ZFHX3: variants seen among roughly 807,000 people sequenced by gnomAD.
ZFHX3 encodes zinc finger homeobox 3, also known as zinc finger homeobox protein 3.
In ZFHX3, 42 loss-of-function variants were observed where a neutral mutation model predicts 279.1. The ratio of observed to expected loss-of-function variants is 0.15; its 90% CI spans 0.12 to 0.19. The LOEUF (loss-of-function observed/expected upper bound fraction) is 0.19. Ranked by LOEUF, ZFHX3 falls within the 10% of genes least tolerant of loss-of-function variation. ZFHX3 has a pLI of 1.00. For synonymous variants in ZFHX3, 2,293 were observed against 1,957.8 expected (o/e 1.17, Z -4.52); for missense variants, 4,981 against 4,754.0 (o/e 1.05, Z -1.40).
chr16:73,093,439 C>T (rs370685288), exon 8 of ZFHX3: 49 of 487,844 alleles, frequency 1.0e-4, no homozygotes, highest in East Asian at 1.8e-4. Context: ...GGGCCCCTTT[C>T]GCTCAGCTCT....
intron 5 of ZFHX3, among the ~76,000 whole-genome samples, chr16:73,254,796 T>A (rs1279072207): frequency 6.6e-6 from 1 of 152,166 alleles, no homozygotes; most frequent in African/African-American, 2.4e-5. Flanking sequence ...GCTCTATAAC[T>A]GCAAGGTTTG....
chr16:73,753,811 A>G (rs1433906071), intron 1 of ZFHX3, among the ~76,000 whole-genome samples: 2 of 152,224 alleles, frequency 1.3e-5, no homozygotes, highest in Admixed American at 1.3e-4. Flanking sequence ...AAAAACTCAC[A>G]AAACAAGGTT....
intron 3 of ZFHX3, among the ~76,000 whole-genome samples, chr16:73,348,419 C>G (rs1315773960): frequency 6.6e-6 from 1 of 152,198 alleles, no homozygotes; most frequent in African/African-American, 2.4e-5. Context: ...AGCCCCCCAA[C>G]CCCAGCCTCC....
chr16:72,906,137 C>A lies in ZFHX3; in HGVS notation c.3217-16175G>T, dbSNP rs962256400. Among the ~76,000 whole-genome samples, 8 of 152,024 alleles carry A rather than the reference C, an allele frequency of 5.3e-5. No homozygotes were observed. In the East Asian group the frequency reaches 1.4e-3, roughly 26 times the overall value. On this transcript the variant is annotated intron_variant, in intron 3 of 9. Transcript: ENST00000268489. ...TCCCTCCCGGGACATCCAAGCAATT[C>A]GATCCAAAGATGCCGCCTCCTGGTT... is the stretch of plus-strand genomic sequence containing the variant.
At chr16:73,103,157 G>C (rs779609236) in intron 7 of ZFHX3, among the ~76,000 whole-genome samples, 3 of 152,094 alleles carry the variant, frequency 2.0e-5, no homozygotes, top group South Asian at 2.1e-4. Context: ...ACTCCTGACC[G>C]CAAGTGATCC....
chr16:73,859,124 G>A (rs1285162584), intron 1 of ZFHX3, among the ~76,000 whole-genome samples: 1 of 152,190 alleles, frequency 6.6e-6, no homozygotes, highest in Non-Finnish European at 1.5e-5. Flanking sequence ...TGGGGAATTA[G>A]GATCAAAGCT....
In ZFHX3 at chr16:72,785,929, T is replaced by C. The variant is rs952896848; in HGVS notation, c.*1235A>G. 6.6e-6 allele frequency: 1 copy of C among 152,128 alleles called. No individual in the cohort carries two copies. Among genetic ancestry groups the C allele is most frequent in the Admixed American group, 6.5e-5 (1 of 15,274 alleles). 9.4% of individuals were successfully genotyped at this position (152,128 alleles called of 1,614,324 possible). On this transcript the variant is annotated 3_prime_UTR_variant, in exon 10 of 10. Transcript: ENST00000268489. The stretch of plus-strand genomic sequence containing the variant: ...AAAGTTTCAACTCCCCAACCAAAAA[T>C]AATCTGTGAGGATCCTAATGACCCC...
At chr16:73,534,163 C>T (rs1006717245) in intron 2 of ZFHX3, among the ~76,000 whole-genome samples, 2 of 152,130 alleles carry the variant, frequency 1.3e-5, no homozygotes, top group Admixed American at 1.3e-4. Context: ...CTTCTCTTCC[C>T]CTTGCCCATT....
chr16:73,776,021 C>T (rs1422714167), intron 1 of ZFHX3, among the ~76,000 whole-genome samples: 1 of 152,310 alleles, frequency 6.6e-6, no homozygotes, highest in Non-Finnish European at 1.5e-5. Flanking sequence ...TTGTGTCTGG[C>T]TCTTAAACTC....
chr16:73,442,862 C>T (rs919628549), intron 3 of ZFHX3, among the ~76,000 whole-genome samples: 1 of 152,172 alleles, frequency 6.6e-6, no homozygotes, highest in Admixed American at 6.5e-5. Flanking sequence ...GCAGTGAGTT[C>T]CACCTCAGCC....
chr16:73,855,951 G>GA (rs1442763820), intron 1 of ZFHX3, among the ~76,000 whole-genome samples: 2 of 152,060 alleles, frequency 1.3e-5, no homozygotes, highest in Non-Finnish European at 2.9e-5. Flanking sequence ...AAATCCAGAA[G>GA]AAAATCAATA....
intron 3 of ZFHX3, among the ~76,000 whole-genome samples, chr16:73,328,909 A>G (rs2143219708): frequency 1.3e-5 from 2 of 152,334 alleles, no homozygotes; most frequent in South Asian, 2.1e-4. Flanking sequence ...GTGCAAATCC[A>G]TGCTGCTCTT....
At chr16:72,900,615 G>C (rs540858224) in intron 3 of ZFHX3, among the ~76,000 whole-genome samples, 1 of 152,338 alleles carries the variant, frequency 6.6e-6, no homozygotes, top group East Asian at 1.9e-4. Context: ...AGGTGGGCTT[G>C]GTGATGGATG....
chr16:73,143,991 C>T (rs143575778), intron 5 of ZFHX3, among the ~76,000 whole-genome samples: 114 of 152,214 alleles, frequency 7.5e-4, no homozygotes, highest in African/African-American at 2.6e-3. Context: ...ACCCCCTTGT[C>T]GGCCAGTATC....
At chr16:73,480,346 T>C (rs559183464) in intron 2 of ZFHX3, among the ~76,000 whole-genome samples, 10 of 152,268 alleles carry the variant, frequency 6.6e-5, no homozygotes, top group Non-Finnish European at 1.0e-4. Context: ...ACTGTTTGGA[T>C]GGGTTTTGCT....
chr16:73,650,109 C>G (rs1357195107), intron 2 of ZFHX3, among the ~76,000 whole-genome samples: 1 of 152,142 alleles, frequency 6.6e-6, no homozygotes, highest in East Asian at 1.9e-4. Flanking sequence ...ATGGCAGGCT[C>G]TGATCATATA....
At chr16:73,022,167 C>A (rs918340449) in intron 1 of ZFHX3, among the ~76,000 whole-genome samples, 1 of 152,194 alleles carries the variant, frequency 6.6e-6, no homozygotes, top group Admixed American at 6.5e-5. Context: ...ACAAGCATTT[C>A]TCTCTTTTTT....
At chr16:72,975,271 C>G (rs375583901) in intron 1 of ZFHX3, among the ~76,000 whole-genome samples, 27 of 152,128 alleles carry the variant, frequency 1.8e-4, no homozygotes, top group African/African-American at 6.3e-4. Context: ...GTGAAACACC[C>G]TCTATACTAA....
intron 1 of ZFHX3, among the ~76,000 whole-genome samples, chr16:73,873,515 G>T (rs981852224): frequency 6.6e-6 from 1 of 152,086 alleles, no homozygotes; most frequent in Non-Finnish European, 1.5e-5. Context: ...CACACCAATG[G>T]CTCAGAAATG....
Sources: gnomAD v4.1 joint callset for allele counts (sites outside exome capture counted in the v4.1 genomes callset) on GRCh38, gnomAD v4.1.1 for gene constraint, MANE v1.5 for transcripts, NCBI Gene and HGNC (gene_info 2026-07-23, HGNC 2026-07-21) for gene names.